The following CACNA1C variants were observed in gnomAD, a reference collection of about 807,000 sequenced individuals.
The protein encoded by CACNA1C is calcium voltage-gated channel subunit alpha1 C.
In CACNA1C, 30 loss-of-function variants were observed where a neutral mutation model predicts 229.0. The observed-to-expected ratio is 0.13, with a 90% CI of 0.10 to 0.18. CACNA1C has a LOEUF of 0.18. Ranked by LOEUF, CACNA1C falls within the 10% of genes least tolerant of loss-of-function variation. The probability of loss-of-function intolerance (pLI) is 1.00; values close to 1 mark genes in which losing one functional copy is unlikely to be tolerated. For synonymous variants in CACNA1C, 1,114 were observed against 1,132.5 expected, an observed-to-expected ratio of 0.98 and a Z score of 0.33; for missense variants, 1,658 against 2,845.0, an observed-to-expected ratio of 0.58 and a Z score of 9.49.
intron 3 of CACNA1C, among the ~76,000 whole-genome samples, chr12:2,357,065 C>T (rs2097390298): frequency 6.6e-6 from 1 of 152,200 alleles, no homozygotes; most frequent in South Asian, 2.1e-4. Flanking sequence ...TGTTTTTAAG[C>T]TATGCTTGCA....
chr12:2,634,127 T>C (rs774573123), intron 29 of CACNA1C, among the ~76,000 whole-genome samples, 170 bp from the exon 30 acceptor site: 11 of 151,904 alleles, frequency 7.2e-5, no homozygotes, highest in Admixed American at 5.2e-4. Flanking sequence ...GGTAAGAGAG[T>C]GTTTAATATG....
chr12:2,465,580 A>G (rs1252198428), intron 5 of CACNA1C, among the ~76,000 whole-genome samples: 1 of 152,204 alleles, frequency 6.6e-6, no homozygotes, highest in African/African-American at 2.4e-5. Flanking sequence ...CGTGAGAGCC[A>G]GGAGACAAAA....
chr12:2,684,487 T>C (rs564435774), intron 43 of CACNA1C, among the ~76,000 whole-genome samples: 2 of 152,326 alleles, frequency 1.3e-5, no homozygotes, highest in African/African-American at 4.8e-5. Context: ...TATTTTAAAC[T>C]ATTTCGGTTA....
intron 18 of CACNA1C, among the ~76,000 whole-genome samples, chr12:2,591,662 A>C (rs2153312074): frequency 6.6e-6 from 1 of 152,320 alleles, no homozygotes; most frequent in South Asian, 2.1e-4. Context: ...GAGCATGAGG[A>C]AGGACGGAGC....
At chr12:2,333,896 A>G (rs2096621262) in intron 3 of CACNA1C, among the ~76,000 whole-genome samples, 1 of 152,230 alleles carries the variant, frequency 6.6e-6, no homozygotes, top group Non-Finnish European at 1.5e-5. Flanking sequence ...CCCTTAGGAA[A>G]GGAAACTGAG....
At chr12:2,547,358 C>T (rs960923206) in intron 9 of CACNA1C, 2 of 714,352 alleles carry the variant, frequency 2.8e-6, no homozygotes, top group Non-Finnish European at 5.2e-6. Flanking sequence ...AAGCTGAGTT[C>T]CTTGTTTCTT....
rs1711526235 is a variant in CACNA1C at position 2,689,402 on chromosome 12, G to A, written c.6117+623G>A. Among the ~76,000 whole-genome samples, 1 of 152,100 alleles carries A rather than the reference G, an allele frequency of 6.6e-6. No homozygotes were observed. The highest frequency in any genetic ancestry group is 2.1e-4 in the South Asian group (1 of 4,818). On this transcript the variant is annotated intron_variant, in intron 46 of 46. Coordinates refer to ENST00000399655, the MANE Select transcript of CACNA1C (RefSeq NM_000719.7). This position sits in a 1 kb window ranked among gnomAD's most constrained non-coding sequence, Gnocchi z 4.2. The stretch of plus-strand genomic sequence containing the variant: ...AGAACCGTTTCAGGGAATTCGGGAA[G>A]AAAACCTGGAGAGGAGGTGACTTTG...
At chr12:2,101,079 A>G (rs891173466) in intron 1 of CACNA1C, among the ~76,000 whole-genome samples, 8 of 151,800 alleles carry the variant, frequency 5.3e-5, no homozygotes, top group Non-Finnish European at 1.0e-4. Flanking sequence ...TTTTTGCTTA[A>G]TATTAGACTG....
intron 11 of CACNA1C, among the ~76,000 whole-genome samples, chr12:2,565,319 T>C (rs1013109058): frequency 8.0e-5 from 12 of 150,334 alleles, no homozygotes; most frequent in African/African-American, 2.9e-4. Flanking sequence ...TACAAAAAAT[T>C]AGCCGGGCGC....
chr12:2,077,714 C>A (rs1444368399), intron 1 of CACNA1C, among the ~76,000 whole-genome samples: 1 of 152,134 alleles, frequency 6.6e-6, no homozygotes, highest in Non-Finnish European at 1.5e-5. Flanking sequence ...TGGAATGGAA[C>A]CCTTGCATAA....
At chr12:2,149,898 G>A (rs141056992) in intron 3 of CACNA1C, among the ~76,000 whole-genome samples, 1 of 152,300 alleles carries the variant, frequency 6.6e-6, no homozygotes, top group East Asian at 1.9e-4. Context: ...AGCAGGCAGA[G>A]TTTAAAGGAC....
chr12:2,102,518 A>T (rs897747644), intron 1 of CACNA1C, among the ~76,000 whole-genome samples: 10 of 152,154 alleles, frequency 6.6e-5, no homozygotes, highest in African/African-American at 2.4e-4. Flanking sequence ...TTCTCCCCAG[A>T]CATCAGCAAC....
At chr12:2,226,281 T>C (rs1011457682) in intron 3 of CACNA1C, among the ~76,000 whole-genome samples, 1 of 152,134 alleles carries the variant, frequency 6.6e-6, no homozygotes, top group Non-Finnish European at 1.5e-5. Flanking sequence ...TTGATCTCAT[T>C]TGACATAAAA....
At chr12:2,615,654 C>T (rs951949520) in intron 29 of CACNA1C, among the ~76,000 whole-genome samples, 1 of 152,178 alleles carries the variant, frequency 6.6e-6, no homozygotes, top group Admixed American at 6.5e-5. Flanking sequence ...AGGCTTCAGC[C>T]CCTTCGGGCA....
Position 2,518,326 on chromosome 12 carries a change from G to C in CACNA1C, c.1390+5342G>C, listed in dbSNP as rs565139488. On this transcript the variant is annotated intron_variant, in intron 9 of 46. Transcript: ENST00000399655. ...TTATTTGATCTTTAAAAAAAAATCA[G>C]GGCCGGGCGTGGTGGCTCACGCCTG... Among the ~76,000 whole-genome samples the C allele has an allele frequency of 6.6e-5, 10 of 152,294 alleles. 1 individual carries two copies. Among genetic ancestry groups the C allele is most frequent in the Non-Finnish European group, 1.3e-4 (9 of 68,024 alleles).
At chr12:2,119,159 G>T (rs1431706897) in intron 2 of CACNA1C, among the ~76,000 whole-genome samples, 2 of 152,194 alleles carry the variant, frequency 1.3e-5, no homozygotes, top group African/African-American at 4.8e-5. Context: ...AGTTCCTCAG[G>T]CTCTCTGGGC....
intron 10 of CACNA1C, among the ~76,000 whole-genome samples, chr12:2,554,890 T>A (rs1406387728): frequency 2.0e-5 from 3 of 152,152 alleles, no homozygotes; most frequent in Admixed American, 6.5e-5. Flanking sequence ...ACTTAGCCAT[T>A]TGGCGGTTGC....
At position 2,653,540 on chromosome 12, in the gene CACNA1C, CAT is replaced by C. The variant is rs1348651624; in HGVS notation, c.4075-294_4075-293del. Among the ~76,000 whole-genome samples, 21 of 152,324 alleles carry C rather than the reference CAT, an allele frequency of 1.4e-4. No homozygotes were observed. The highest frequency in any genetic ancestry group is 1.3e-3 in the Admixed American group (20 of 15,304). On this transcript the variant is annotated intron_variant, in intron 32 of 46. Coordinates refer to ENST00000399655, the MANE Select transcript of CACNA1C (RefSeq NM_000719.7). This position sits in a 1 kb window ranked among gnomAD's most constrained non-coding sequence, Gnocchi z 4.7. The stretch of plus-strand genomic sequence containing the variant: ...TCCTGCCTCGTACAGACACACCGCA[CAT>C]GTGTAGTCGGAGGAGGTTTTGCTCG...
chr12:2,450,091 CATAAG>C (rs150183915), intron 4 of CACNA1C, among the ~76,000 whole-genome samples: 2,108 of 152,268 alleles, frequency 0.014, 44 homozygotes, highest in African/African-American at 0.048. Context: ...TCCACTGTAG[CATAAG>C]ATAAGGTAGA....
Sources: allele counts gnomAD v4.1 joint callset (sites outside exome capture counted in the v4.1 genomes callset), GRCh38; gene constraint gnomAD v4.1.1; non-coding constraint Gnocchi (gnomAD v3.1); transcripts MANE v1.5; gene names NCBI Gene and HGNC (gene_info 2026-07-23, HGNC 2026-07-21).